TMEM74: variants seen among roughly 807,000 people sequenced by gnomAD.
The protein encoded by TMEM74 is transmembrane protein 74.
TMEM74 carries 13 observed loss-of-function variants against 18.1 expected under a neutral mutation model. The ratio of observed to expected loss-of-function variants is 0.72; its 90% CI spans 0.47 to 1.14. The LOEUF (loss-of-function observed/expected upper bound fraction) is 1.14, where lower values mean the gene tolerates loss of function less well. TMEM74 is among the 50% of genes most tolerant of loss of function. The pLI is 0.00. For synonymous variants in TMEM74, 159 were observed against 146.6 expected, an observed-to-expected ratio of 1.08 and a Z score of -0.61; for missense variants, 372 against 375.9, an observed-to-expected ratio of 0.99 and a Z score of 0.09.
chr8:108,744,057 G>A (rs1813826129), intron 1 of TMEM74, among the ~76,000 whole-genome samples: 1 of 152,088 alleles, frequency 6.6e-6, no homozygotes, highest in Non-Finnish European at 1.5e-5. Flanking sequence ...TGCGCCCTGG[G>A]AGGTGTGCAA....
intron 1 of TMEM74, among the ~76,000 whole-genome samples, chr8:108,756,639 G>GAAGAAAGA (rs1450666199): frequency 6.1e-5 from 2 of 32,690 alleles, no homozygotes; most frequent in Non-Finnish European, 1.2e-4. Flanking sequence ...AGGAAGGAAG[G>GAAGAAAGA]AAGAAAGAAA....
At chr8:108,628,894 AT>A (rs759838123) in intron 2 of TMEM74, among the ~76,000 whole-genome samples, 5 of 151,124 alleles carry the variant, frequency 3.3e-5, no homozygotes, top group Non-Finnish European at 4.4e-5. Context: ...TGATGGTGAG[AT>A]TTTTTTTTCA....
At position 108,741,094 on chromosome 8, in the gene TMEM74, C is replaced by T. The variant is rs547739413; in HGVS notation, n.119+46382G>A. Among the ~76,000 whole-genome samples the T allele has an allele frequency of 5.3e-5, 8 of 152,134 alleles. No individual in the cohort carries two copies. The South Asian group carries it at 6.2e-4, about 12-fold the overall frequency. On this transcript the variant is annotated intron_variant and non_coding_transcript_variant, in intron 1 of 3. Coordinates refer to the TMEM74 transcript ENST00000518838. ...TTTTAAAGCATGTTGCTGAAGACTT[C>T]GTACTGTCTGATATTTTTATAATAC...
intron 2 of TMEM74, among the ~76,000 whole-genome samples, chr8:108,646,644 T>C (rs752707757): frequency 6.6e-6 from 1 of 152,200 alleles, no homozygotes; most frequent in African/African-American, 2.4e-5. Context: ...TGTTTTACAG[T>C]TTAATGAACT....
intron 1 of TMEM74, among the ~76,000 whole-genome samples, chr8:108,701,101 A>G (rs1813330620): frequency 6.6e-6 from 1 of 151,566 alleles, no homozygotes; most frequent in South Asian, 2.1e-4. Flanking sequence ...AAATCAATTA[A>G]TGTAATCTAT....
At chr8:108,742,623 C>T (rs974755648) in intron 1 of TMEM74, among the ~76,000 whole-genome samples, 7 of 152,220 alleles carry the variant, frequency 4.6e-5, no homozygotes, top group Admixed American at 3.9e-4. Context: ...CCTGCCCATT[C>T]TGTGATGTCA....
At chr8:108,627,314 T>G (rs766391701) in intron 2 of TMEM74, among the ~76,000 whole-genome samples, 1 of 151,994 alleles carries the variant, frequency 6.6e-6, no homozygotes, top group Non-Finnish European at 1.5e-5. Flanking sequence ...ATCTATGCCA[T>G]CTGGGAAATG....
chr8:108,610,009 G>A (rs1812319358), intron 2 of TMEM74, among the ~76,000 whole-genome samples: 1 of 152,214 alleles, frequency 6.6e-6, no homozygotes, highest in African/African-American at 2.4e-5. Flanking sequence ...ATTTCTGTCA[G>A]TGGCTGTCGC....
intron 1 of TMEM74, among the ~76,000 whole-genome samples, chr8:108,758,848 C>T (rs917920085): frequency 1.3e-4 from 19 of 151,876 alleles, no homozygotes; most frequent in Non-Finnish European, 2.1e-4. Flanking sequence ...ATGGGTACTG[C>T]GTACTATATA....
At chr8:108,701,902 G>T (rs533675338) in intron 1 of TMEM74, among the ~76,000 whole-genome samples, 1 of 152,154 alleles carries the variant, frequency 6.6e-6, no homozygotes, top group Admixed American at 6.5e-5. Flanking sequence ...TTGAGAAATT[G>T]TTTCTAAAGT....
chr8:108,611,629 T>A (rs1253664877), intron 2 of TMEM74, among the ~76,000 whole-genome samples: 1 of 152,196 alleles, frequency 6.6e-6, no homozygotes, highest in Admixed American at 6.5e-5. Context: ...GACTTTTATA[T>A]GTGTTGTTGC....
chr8:108,641,960 T>A (rs1563738459), intron 2 of TMEM74, among the ~76,000 whole-genome samples: 1 of 152,150 alleles, frequency 6.6e-6, no homozygotes, highest in Non-Finnish European at 1.5e-5. Context: ...TAATATTTTG[T>A]ATTTGACACG....
At chr8:108,659,439 C>T (rs1449395114) in intron 1 of TMEM74, among the ~76,000 whole-genome samples, 1 of 152,144 alleles carries the variant, frequency 6.6e-6, no homozygotes, top group African/African-American at 2.4e-5. Flanking sequence ...AATATCCTTT[C>T]TTTCTGGTTG....
At position 108,768,131 on chromosome 8, in the gene TMEM74, C is replaced by T. The variant is rs955994160; in HGVS notation, n.119+19345G>A. ...TTCCACTGACCATTAGCCATCTTCA[C>T]TTAAGTGTTCCCCACAGACCTCAAA... On this transcript the variant is annotated intron_variant and non_coding_transcript_variant, in intron 1 of 3. Coordinates refer to the TMEM74 transcript ENST00000518838. Among the ~76,000 whole-genome samples the T allele has an allele frequency of 3.3e-5, 5 of 152,154 alleles. No homozygotes were observed. In the East Asian group the frequency reaches 9.6e-4, roughly 29 times the overall value.
chr8:108,634,243 C>A (rs1455209089), intron 2 of TMEM74, among the ~76,000 whole-genome samples: 1 of 151,942 alleles, frequency 6.6e-6, no homozygotes, highest in South Asian at 2.1e-4. Flanking sequence ...TCCTCCCCAC[C>A]TCCATCCCCA....
intron 1 of TMEM74, among the ~76,000 whole-genome samples, chr8:108,724,009 C>T (rs1200830903): frequency 6.6e-6 from 1 of 152,088 alleles, no homozygotes; most frequent in Non-Finnish European, 1.5e-5. Flanking sequence ...GAGGCATGAT[C>T]CTGAGTTTGA....
intron 1 of TMEM74, among the ~76,000 whole-genome samples, chr8:108,683,434 A>C (rs1813135373): frequency 6.6e-6 from 1 of 151,724 alleles, no homozygotes; most frequent in African/African-American, 2.4e-5. Context: ...GTAAATGATC[A>C]AACAAGTTTT....
At chr8:108,619,606 A>T (rs895575259) in intron 2 of TMEM74, among the ~76,000 whole-genome samples, 6 of 152,174 alleles carry the variant, frequency 3.9e-5, no homozygotes, top group African/African-American at 1.4e-4. Flanking sequence ...TACATTTTTC[A>T]TCCTAGCTCC....
intron 1 of TMEM74, among the ~76,000 whole-genome samples, chr8:108,712,431 A>C (rs530732682): frequency 1.3e-5 from 2 of 152,260 alleles, no homozygotes; most frequent in South Asian, 4.1e-4. Flanking sequence ...TCATAGTTTC[A>C]TGTTTTATTC....
Sources: allele counts gnomAD v4.1 joint callset (sites outside exome capture counted in the v4.1 genomes callset), GRCh38; gene constraint gnomAD v4.1.1; transcripts MANE v1.5; gene names NCBI Gene and HGNC (gene_info 2026-07-23, HGNC 2026-07-21).